The following DAG1 variants were observed in gnomAD, a reference collection of about 807,000 sequenced individuals.
DAG1 encodes the protein dystroglycan 1 (dystrophin-associated glycoprotein 1).
In DAG1, 8 loss-of-function variants were observed where a neutral mutation model predicts 46.1. The ratio of observed to expected loss-of-function variants is 0.17; its 90% CI spans 0.10 to 0.31. The LOEUF is 0.31. Ranked by LOEUF, DAG1 falls within the 10% of genes least tolerant of loss-of-function variation. The probability of loss-of-function intolerance (pLI) is 1.00; values close to 1 mark genes in which losing one functional copy is unlikely to be tolerated. For synonymous variants in DAG1, 495 were observed against 481.8 expected (o/e 1.03, Z -0.36); for missense variants, 1,003 against 1,189.9 (o/e 0.84, Z 2.31).
Position 49,534,419 on chromosome 3 carries a change from A to C in DAG1, c.*1220A>C, listed in dbSNP as rs2107970651. The C allele has an allele frequency of 1.3e-5, 2 of 152,568 alleles. No individual in the cohort carries two copies. The highest frequency in any genetic ancestry group is 3.9e-4 in the East Asian group (2 of 5,166). 9.5% of individuals were successfully genotyped at this position (152,568 alleles called of 1,614,324 possible). ...ACTGGAAAAGGTCTGGCGGCTGGGGAGGAGTGCCAGCAATAGTTCATAATA... is the reference window on the plus strand; with the variant it reads ...ACTGGAAAAGGTCTGGCGGCTGGGGCGGAGTGCCAGCAATAGTTCATAATA... On this transcript the variant is annotated 3_prime_UTR_variant, in exon 3 of 3. Transcript: ENST00000308775.
At chr3:49,473,391 C>T (rs546809345) in intron 1 of DAG1, among the ~76,000 whole-genome samples, 1 of 151,860 alleles carries the variant, frequency 6.6e-6, no homozygotes, top group Non-Finnish European at 1.5e-5. Flanking sequence ...CACTGCAGTC[C>T]GGCCTGGGCG....
upstream of DAG1, among the ~76,000 whole-genome samples, chr3:49,469,419 T>G (rs2049449895): frequency 6.6e-6 from 1 of 152,166 alleles, no homozygotes; most frequent in African/African-American, 2.4e-5. Flanking sequence ...TGGGGAGAGC[T>G]AGAGCTACCT....
At chr3:49,477,257 A>G (rs1312385573) in intron 1 of DAG1, among the ~76,000 whole-genome samples, 1 of 151,974 alleles carries the variant, frequency 6.6e-6, no homozygotes, top group Non-Finnish European at 1.5e-5. Flanking sequence ...TCGGCCTCCC[A>G]AAGTGCTGGG....
intron 1 of DAG1, among the ~76,000 whole-genome samples, chr3:49,507,399 T>C (rs1575382100): frequency 6.6e-6 from 1 of 151,912 alleles, no homozygotes; most frequent in Non-Finnish European, 1.5e-5. Flanking sequence ...CCCGTCTCTA[T>C]TAAAAATACA....
intron 2 of DAG1, among the ~76,000 whole-genome samples, chr3:49,528,065 G>C (rs1482976082): frequency 2.0e-5 from 3 of 151,956 alleles, no homozygotes; most frequent in African/African-American, 7.2e-5. Flanking sequence ...CACCTCTCAG[G>C]ACCCCTACTT....
chr3:49,491,539 G>A (rs1254920642), intron 1 of DAG1, among the ~76,000 whole-genome samples: 4 of 150,468 alleles, frequency 2.7e-5, no homozygotes, highest in Non-Finnish European at 5.9e-5. Flanking sequence ...GTGCAGTGGC[G>A]CGATCTTGCT....
intron 1 of DAG1, among the ~76,000 whole-genome samples, chr3:49,492,039 GC>G (rs1559554235): frequency 3.3e-5 from 5 of 151,622 alleles, no homozygotes; most frequent in Admixed American, 2.6e-4. Context: ...CAATTCTTCT[GC>G]CTCAGCCTCC....
At chr3:49,482,166 T>C (rs1329356810) in intron 1 of DAG1, among the ~76,000 whole-genome samples, 2 of 152,170 alleles carry the variant, frequency 1.3e-5, no homozygotes, top group Non-Finnish European at 2.9e-5. Context: ...ATCGCTATTC[T>C]CTAGTCTCAA....
chr3:49,470,811 T>C (rs1395810969), intron 1 of DAG1, among the ~76,000 whole-genome samples: 1 of 152,242 alleles, frequency 6.6e-6, no homozygotes, highest in Non-Finnish European at 1.5e-5. Context: ...GGATTCCGAC[T>C]GTGGGGAGTC....
chr3:49,500,259 C>T lies in DAG1; in HGVS notation c.-116-10160C>T, dbSNP rs183772802. Among the ~76,000 whole-genome samples the T allele has an allele frequency of 1.6e-3, 251 of 152,298 alleles. 5 individuals are homozygous for T. The highest frequency in any genetic ancestry group is 7.4e-5 in the Non-Finnish European group (5 of 68,016). On this transcript the variant is annotated intron_variant, in intron 1 of 2. Transcript: ENST00000308775. The stretch of plus-strand genomic sequence containing the variant: ...AACTCCTGACCTCGTGATCTGCCCG[C>T]CTCAGCCTCCAAAGTGCTGGTATTA...
At chr3:49,494,392 C>CT (rs2050258758) in intron 1 of DAG1, among the ~76,000 whole-genome samples, 2 of 152,114 alleles carry the variant, frequency 1.3e-5, no homozygotes, top group Non-Finnish European at 2.9e-5. Flanking sequence ...TGGAGCTTCC[C>CT]TGACATTTCG....
intron 1 of DAG1, among the ~76,000 whole-genome samples, chr3:49,473,609 G>C (rs2049591065): frequency 1.3e-5 from 2 of 149,700 alleles, no homozygotes; most frequent in African/African-American, 4.9e-5. Flanking sequence ...ACGGAGTCTT[G>C]CTCTGTCACA....
chr3:49,496,261 C>G (rs540055669), intron 1 of DAG1, among the ~76,000 whole-genome samples: 1 of 152,118 alleles, frequency 6.6e-6, no homozygotes, highest in Non-Finnish European at 1.5e-5. Context: ...CAGCCTCAAC[C>G]TCCCAGGCTC....
intron 1 of DAG1, among the ~76,000 whole-genome samples, chr3:49,509,501 G>A (rs910540997): frequency 6.6e-6 from 1 of 152,162 alleles, no homozygotes; most frequent in Non-Finnish European, 1.5e-5. Flanking sequence ...GTTTAGGGAT[G>A]TCAGCATTTG....
chr3:49,495,907 C>T (rs1003919750), intron 1 of DAG1, among the ~76,000 whole-genome samples: 3 of 151,212 alleles, frequency 2.0e-5, no homozygotes, highest in East Asian at 3.9e-4. Flanking sequence ...GGCGACAGAG[C>T]GAGACTCCGT....
Position 49,510,784 on chromosome 3 carries a change from A to G in DAG1, c.250A>G (p.Thr84Ala). The G allele has an allele frequency of 1.2e-6, 2 of 1,614,122 alleles. No homozygotes were observed. Among genetic ancestry groups the G allele is most frequent in the Non-Finnish European group, 1.7e-6 (2 of 1,180,012 alleles). The change falls in exon 2 of 3, where the codon ACA becomes GCA. Residue 84 changes from threonine (T) to alanine (A), a missense_variant. Thr to Ala is a moderately conservative substitution (Grantham distance 58). This residue lies in a region of DAG1 where 196 missense variants were observed against 239.1 expected (regional missense o/e 0.82). Coordinates refer to ENST00000308775, the MANE Select transcript of DAG1 (RefSeq NM_004393.6). ...VGRSFRVTIP[T>A]DLIASSGDII... The stretch of plus-strand genomic sequence containing the variant: ...GCGCTCATTTCGAGTGACCATTCCA[A>G]CAGATTTGATTGCCTCCAGTGGAGA...
chr3:49,489,788 G>C (rs949545226), intron 1 of DAG1, among the ~76,000 whole-genome samples: 2 of 151,896 alleles, frequency 1.3e-5, no homozygotes, highest in African/African-American at 2.4e-5. Flanking sequence ...ACTTCCCTTC[G>C]TAAACTTGGG....
chr3:49,493,038 T>TTC (rs1444313664), intron 1 of DAG1: 2 of 131,800 alleles, frequency 1.5e-5, no homozygotes, highest in Admixed American at 7.8e-5. Flanking sequence ...TTTTTATTCT[T>TTC]TTTTTTTTTT....
intron 1 of DAG1, among the ~76,000 whole-genome samples, chr3:49,476,270 G>A (rs934043342): frequency 2.4e-4 from 37 of 152,092 alleles, no homozygotes; most frequent in Admixed American, 2.4e-3. Flanking sequence ...CTTTTATCTT[G>A]CTTGTCATGA....
Sources: gnomAD v4.1 joint callset for allele counts (sites outside exome capture counted in the v4.1 genomes callset) on GRCh38, gnomAD v4.1.1 for gene constraint, gnomAD v4.1.1 regional missense constraint, MANE v1.5 for transcripts, NCBI Gene and HGNC (gene_info 2026-07-23, HGNC 2026-07-21) for gene names.